AMBN: variants seen among roughly 807,000 people sequenced by gnomAD.
AMBN encodes the protein enamel matrix protein.
In AMBN, 54 loss-of-function variants were observed where a neutral mutation model predicts 48.0. The observed-to-expected ratio is 1.12, with a 90% confidence interval of 0.90 to 1.41. AMBN has a LOEUF of 1.41. Ranked by LOEUF, AMBN falls within the 40% of genes most tolerant of loss-of-function variation. The probability of loss-of-function intolerance (pLI) is 0.00; values close to 1 mark genes in which losing one functional copy is unlikely to be tolerated. For synonymous variants in AMBN, 186 were observed against 190.0 expected, an observed-to-expected ratio of 0.98 and a Z score of 0.17; for missense variants, 571 against 547.3, an observed-to-expected ratio of 1.04 and a Z score of -0.43.
intron 4 of AMBN, among the ~76,000 whole-genome samples, chr4:70,599,160 A>T (rs1737458154): frequency 6.6e-6 from 1 of 152,066 alleles, no homozygotes; most frequent in Non-Finnish European, 1.5e-5. Flanking sequence ...AATGAAAACC[A>T]GGCCAGGAGC....
In AMBN at chr4:70,606,676, C is replaced by T. The variant is rs1737663962; in HGVS notation, c.1290C>T (p.Asn430=). The T allele has an allele frequency of 1.2e-5, 19 of 1,614,060 alleles. No individual in the cohort carries two copies. Among genetic ancestry groups the T allele is most frequent in the Non-Finnish European group, 1.5e-5 (18 of 1,179,954 alleles). Residue 430 remains asparagine, a synonymous_variant, in exon 13 of 13, where the codon AAC becomes AAT. Transcript: ENST00000322937. Reference sequence around the variant, plus strand: ...CTCTGCAAACATCCATGCCAGGAAACAAAGCCCAGGAGCCCGAGATGATGC... The same window carrying T: ...CTCTGCAAACATCCATGCCAGGAAATAAAGCCCAGGAGCCCGAGATGATGC... ...PNSLQTSMPG[N]KAQEPEMMHD... is the part of the protein sequence containing the mutation.
intron 6 of AMBN, 116 bp downstream of exon 6, chr4:70,601,770 T>C (rs1309411215): frequency 1.1e-6 from 1 of 921,612 alleles, no homozygotes; most frequent in Non-Finnish European, 1.7e-6. Flanking sequence ...GTGATATAAA[T>C]ATATTCTTAA....
Position 70,606,348 on chromosome 4 carries a change from G to T in AMBN, c.962G>T (p.Gly321Val), listed in dbSNP as rs1447096300. 1 of 1,613,940 alleles carries T rather than the reference G, an allele frequency of 6.2e-7. No homozygotes were observed. The highest frequency in any genetic ancestry group is 8.5e-7 in the Non-Finnish European group (1 of 1,179,996). ...AATKGPENEE[G>V]GAQGSPMPEA... ...ACCAAAGGCCCTGAGAACGAAGAAG[G>T]AGGTGCACAAGGCTCCCCTATGCCG... The change falls in exon 13 of 13, where the codon GGA becomes GTA. Residue 321 changes from glycine to valine, a missense_variant. By Grantham distance (109) the Gly-to-Val change is moderately radical. Transcript: ENST00000322937.
At position 70,606,171 on chromosome 4, in the gene AMBN, G is replaced by A; in HGVS notation, c.799-14G>A. The A allele has an allele frequency of 6.3e-7, 1 of 1,594,730 alleles. No individual in the cohort carries two copies. Among genetic ancestry groups the A allele is most frequent in the Non-Finnish European group, 8.6e-7 (1 of 1,165,176 alleles). ...TGTGATGATGGCATCTTTGACGAAT[G>A]TTTTTTTTTCCAGGGCGGGAGAGAA... On this transcript the variant is annotated splice_polypyrimidine_tract_variant and intron_variant, in intron 12 of 12. Coordinates refer to ENST00000322937, the MANE Select transcript of AMBN (RefSeq NM_016519.6).
rs111586006 is a variant in AMBN at position 70,593,005 on chromosome 4, G to A, written c.16-322G>A. 4.1e-3 allele frequency among the ~76,000 whole-genome samples: 623 copies of A among 152,246 alleles called. 5 individuals carry two copies. Among genetic ancestry groups the A allele is most frequent in the African/African-American group, 0.014 (596 of 41,544 alleles). ...GACCAATATTTTACTTAGTGGGAAG[G>A]ATTTTTAAACTCATAATTCACTTTA... On this transcript the variant is annotated intron_variant, in intron 1 of 12. Transcript: ENST00000322937.
rs1327585593 is a variant in AMBN at position 70,602,793 on chromosome 4, T to A, written c.571-5T>A. 2 of 1,583,590 alleles carry A rather than the reference T, an allele frequency of 1.3e-6. No individual in the cohort carries two copies. The highest frequency in any genetic ancestry group is 1.7e-5 in the Admixed American group (1 of 57,664). On this transcript the variant is annotated splice_polypyrimidine_tract_variant and splice_region_variant and intron_variant, in intron 7 of 12. Transcript: ENST00000322937. The stretch of plus-strand genomic sequence containing the variant: ...TGATAATTTTAATATTTATCTACAA[T>A]ATAGCTCCCAGGAATGGATTTTCCT...
Position 70,593,320 on chromosome 4 carries a change from G to T in AMBN, c.16-7G>T. On this transcript the variant is annotated splice_region_variant and splice_polypyrimidine_tract_variant and intron_variant, in intron 1 of 12. Coordinates refer to ENST00000322937, the MANE Select transcript of AMBN (RefSeq NM_016519.6). The stretch of plus-strand genomic sequence containing the variant: ...TGATTTAATTCTCCAACTTAATTAT[G>T]TTTTAGATTCCACTTTTCAAAATGA... 1.3e-6 allele frequency: 2 copies of T among 1,596,512 alleles called. No homozygotes were observed. Among genetic ancestry groups the T allele is most frequent in the South Asian group, 1.1e-5 (1 of 89,118 alleles).
chr4:70,593,642 A>T (rs897924181), intron 2 of AMBN, among the ~76,000 whole-genome samples: 2 of 152,166 alleles, frequency 1.3e-5, no homozygotes, highest in African/African-American at 4.8e-5. Context: ...AGGCAGGAGG[A>T]TGACCTGAGG....
At chr4:70,599,469 C>G in intron 4 of AMBN, 67 bp from the exon 5 acceptor site, 2 of 1,186,428 alleles carry the variant, frequency 1.7e-6, no homozygotes, top group Non-Finnish European at 2.4e-6. Context: ...AAAAGGAAAA[C>G]CAAATATAAC....
chr4:70,603,559 AC>A, intron 11 of AMBN, 99 bp downstream of exon 11: 1 of 1,225,528 alleles, frequency 8.2e-7, no homozygotes, highest in Non-Finnish European at 1.2e-6. Context: ...TTCCAAATAA[AC>A]ATTCTCTGAA....
chr4:70,595,788 T>A (rs893589544), intron 2 of AMBN, among the ~76,000 whole-genome samples: 1 of 152,238 alleles, frequency 6.6e-6, no homozygotes, highest in African/African-American at 2.4e-5. Flanking sequence ...ATTCGCCATG[T>A]TTTCTACCGG....
intron 1 of AMBN, 122 bp from the exon 2 acceptor site, chr4:70,593,205 C>A: frequency 1.5e-6 from 1 of 685,184 alleles, no homozygotes; most frequent in Non-Finnish European, 2.4e-6. Context: ...TTTTGTTCTT[C>A]TAACCTTTAT....
Position 70,606,359 on chromosome 4 carries a change from G to T in AMBN, c.973G>T (p.Gly325Cys), listed in dbSNP as rs753861074. 1.9e-6 allele frequency: 3 copies of T among 1,614,032 alleles called. No individual in the cohort carries two copies. Among genetic ancestry groups the T allele is most frequent in the South Asian group, 2.2e-5 (2 of 91,072 alleles). The change falls in exon 13 of 13, where the codon GGC becomes TGC. Residue 325 changes from glycine (G) to cysteine (C), a missense_variant. Coordinates refer to ENST00000322937, the MANE Select transcript of AMBN (RefSeq NM_016519.6). ...GPENEEGGAQ[G>C]SPMPEANPDN... ...TGAGAACGAAGAAGGAGGTGCACAA[G>T]GCTCCCCTATGCCGGAGGCCAACCC...
At chr4:70,606,047 C>A in intron 12 of AMBN, 138 bp from the exon 13 acceptor site, 1 of 960,868 alleles carries the variant, frequency 1.0e-6, no homozygotes, top group Non-Finnish European at 1.5e-6. Context: ...AATGAGCTTA[C>A]ACAAAGCTAT....
At chr4:70,606,105 T>C (rs1737636143) in intron 12 of AMBN, 80 bp from the exon 13 acceptor site, 1 of 1,498,304 alleles carries the variant, frequency 6.7e-7, no homozygotes, top group East Asian at 2.3e-5. Context: ...AGATCCTTGG[T>C]GAATGTGACC....
chr4:70,602,631 G>A lies in AMBN; in HGVS notation c.539G>A (p.Gly180Glu), dbSNP rs199556863. ...SDKPPKPELP[G>E]VDFADPQGPS... ...TATTTATCTGTGATATAGCTCCCAG[G>A]AGTAGATTTTGCTGATCCACAAGGT... The change falls in exon 7 of 13, where the codon GGA becomes GAA. Residue 180 changes from glycine to glutamate, a missense_variant. Coordinates refer to ENST00000322937, the MANE Select transcript of AMBN (RefSeq NM_016519.6). The A allele has an allele frequency of 7.4e-7, 1 of 1,360,038 alleles. No individual in the cohort carries two copies. Among genetic ancestry groups the A allele is most frequent in the Non-Finnish European group, 9.7e-7 (1 of 1,026,996 alleles). The allele number at this position is 1,360,038 out of a possible 1,614,324, so 84.2% of individuals were successfully genotyped here.
chr4:70,602,751 C>T lies in AMBN; in HGVS notation c.571-47C>T, dbSNP rs767554152. 7.5e-6 allele frequency: 11 copies of T among 1,471,052 alleles called. No homozygotes were observed. The South Asian group carries it at 7.9e-5, about 11-fold the overall frequency. The allele number at this position is 1,471,052 out of a possible 1,614,324, so 91.1% of individuals were successfully genotyped here. A position where few individuals can be genotyped will look rare whatever the true frequency, so the allele number is the denominator to read the frequency against. Reference sequence around the variant, plus strand: ...TTTTATTTTTATTTGTATTTAACTACTTTGTTCATTTTTTACTGATAATTT... The same window carrying T: ...TTTTATTTTTATTTGTATTTAACTATTTTGTTCATTTTTTACTGATAATTT... On this transcript the variant is annotated intron_variant, in intron 7 of 12. Coordinates refer to ENST00000322937, the MANE Select transcript of AMBN (RefSeq NM_016519.6).
chr4:70,606,562 T>A lies in AMBN; in HGVS notation c.1176T>A (p.Ala392=). 6.2e-7 allele frequency: 1 copy of A among 1,614,104 alleles called. No individual in the cohort carries two copies. The highest frequency in any genetic ancestry group is 8.5e-7 in the Non-Finnish European group (1 of 1,179,998). ...ACCCACTGATGACCCCTGAATTAGC[T>A]GATGTTTATAGGACCTACGATGCTG... The part of the protein sequence containing the change: ...AADPLMTPEL[A]DVYRTYDADM... Residue 392 remains alanine (A), a synonymous_variant, in exon 13 of 13, where the codon GCT becomes GCA. Coordinates refer to ENST00000322937, the MANE Select transcript of AMBN (RefSeq NM_016519.6).
rs1273780119 is a variant in AMBN at position 70,602,556 on chromosome 4, T to G, written c.532-68T>G. ...CAGTTCACTTTGTCTATTTTTTTAT[T>G]TTTAATGTCACTTTGTCTATTTTGT... On this transcript the variant is annotated intron_variant, in intron 6 of 12. Transcript: ENST00000322937. 3 of 1,216,530 alleles carry G rather than the reference T, an allele frequency of 2.5e-6. No homozygotes were observed. In the African/African-American group the frequency reaches 4.6e-5, roughly 19 times the overall value. 75.4% of individuals were successfully genotyped at this position (1,216,530 alleles called of 1,614,324 possible).
Sources: allele counts gnomAD v4.1 joint callset (sites outside exome capture counted in the v4.1 genomes callset), GRCh38; gene constraint gnomAD v4.1.1; transcripts MANE v1.5; gene names NCBI Gene and HGNC (gene_info 2026-07-23, HGNC 2026-07-21).